The following RECQL variants were observed in gnomAD, a reference collection of about 807,000 sequenced individuals.
RECQL encodes the protein RecQ like helicase.
A neutral mutation model predicts 75.8 loss-of-function variants in RECQL; 73 were observed. That is an observed-to-expected ratio of 0.96 (90% confidence interval 0.80 to 1.17). RECQL has a LOEUF of 1.17. Ranked by LOEUF, RECQL falls within the 50% of genes most tolerant of loss-of-function variation. The probability of loss-of-function intolerance (pLI) is 0.00; values close to 1 mark genes in which losing one functional copy is unlikely to be tolerated. For missense variants in RECQL, 699 were observed against 772.1 expected (o/e 0.91, Z 1.12); for synonymous variants, 248 against 254.4 (o/e 0.97, Z 0.24).
intron 2 of RECQL, among the ~76,000 whole-genome samples, chr12:21,495,363 G>A (rs913942924): frequency 2.0e-5 from 3 of 152,190 alleles, no homozygotes; most frequent in Admixed American, 6.5e-5. Context: ...TTGGGAGGCC[G>A]AGGCGGGTGG....
At chr12:21,475,424 A>T in intron 10 of RECQL, 44 bp downstream of exon 10, 1 of 1,218,674 alleles carries the variant, frequency 8.2e-7, no homozygotes, top group Admixed American at 2.0e-5. Flanking sequence ...TATTTTTTGG[A>T]AAAGCTTTCT....
intron 2 of RECQL, among the ~76,000 whole-genome samples, chr12:21,496,186 A>G (rs1343402873): frequency 6.6e-6 from 1 of 152,266 alleles, no homozygotes; most frequent in Non-Finnish European, 1.5e-5. Context: ...TATGTGGTGT[A>G]TGCAGAAGAC....
chr12:21,478,760 A>C (rs1943135110), intron 6 of RECQL, among the ~76,000 whole-genome samples: 2 of 152,176 alleles, frequency 1.3e-5, no homozygotes, highest in African/African-American at 4.8e-5. Flanking sequence ...GACCCAAAAG[A>C]GGGACTTGTG....
At chr12:21,470,460 G>C in intron 14 of RECQL, 114 bp from the exon 15 acceptor site, 1 of 1,092,154 alleles carries the variant, frequency 9.2e-7, no homozygotes, top group Non-Finnish European at 1.3e-6. Flanking sequence ...GGCTTTTTAA[G>C]TATACAGGGG....
At chr12:21,487,344 C>A (rs1448642495) in intron 4 of RECQL, among the ~76,000 whole-genome samples, 1 of 152,076 alleles carries the variant, frequency 6.6e-6, no homozygotes, top group Non-Finnish European at 1.5e-5. Flanking sequence ...GTTGCATAAG[C>A]ATTCTTTTAC....
chr12:21,472,536 A>G (rs573552820), intron 12 of RECQL, among the ~76,000 whole-genome samples: 7 of 151,874 alleles, frequency 4.6e-5, no homozygotes, highest in Non-Finnish European at 8.8e-5. Context: ...TCTTCTAGAA[A>G]AGGTTAGGGA....
Position 21,475,504 on chromosome 12 carries a change from A to ATTT in RECQL, c.1177_1179dup (p.Lys393dup). ...CTCTCTTGGTAATAATTTTCCATGG[A>ATTT]TTTACTCATTGAATGATGGATAACA... On this transcript the variant is annotated inframe_insertion, in exon 10 of 15. Coordinates refer to ENST00000444129, the MANE Select transcript of RECQL (RefSeq NM_002907.4). 1 of 1,612,584 alleles carries ATTT rather than the reference A, an allele frequency of 6.2e-7. No individual in the cohort carries two copies. Among genetic ancestry groups the ATTT allele is most frequent in the Non-Finnish European group, 8.5e-7 (1 of 1,178,990 alleles).
At chr12:21,474,756 G>GT in intron 11 of RECQL, 85 bp downstream of exon 11, 1 of 1,312,452 alleles carries the variant, frequency 7.6e-7, no homozygotes, top group South Asian at 1.3e-5. Flanking sequence ...TTCCACCAAT[G>GT]TATTTAGTAA....
intron 5 of RECQL, 33 bp downstream of exon 5, chr12:21,486,446 T>C (rs780027664): frequency 6.5e-7 from 1 of 1,543,398 alleles, no homozygotes; most frequent in Non-Finnish European, 8.7e-7. Context: ...GTGAATAGTT[T>C]ACATTAAAAA....
At chr12:21,492,673 T>C (rs959300861) in intron 2 of RECQL, among the ~76,000 whole-genome samples, 5 of 152,248 alleles carry the variant, frequency 3.3e-5, no homozygotes, top group African/African-American at 7.2e-5. Flanking sequence ...GGTTGGCCTA[T>C]GGCCAGGTGC....
rs775112039 is a variant in RECQL at position 21,491,501 on chromosome 12, A to C, written c.214+18T>G. The C allele has an allele frequency of 1.9e-6, 3 of 1,562,398 alleles. No homozygotes were observed. Among genetic ancestry groups the C allele is most frequent in the Non-Finnish European group, 2.6e-6 (3 of 1,164,572 alleles). ...GAGAAGAAATAAAACTAGCAAAAAA[A>C]AAAAAAAAAAAGTTAACCTTCTTTA... is the stretch of plus-strand genomic sequence containing the variant. On this transcript the variant is annotated intron_variant, in intron 3 of 14. Coordinates refer to ENST00000444129, the MANE Select transcript of RECQL (RefSeq NM_002907.4).
intron 11 of RECQL, among the ~76,000 whole-genome samples, chr12:21,474,010 T>C (rs10160932): frequency 0.55 from 83,874 of 151,968 alleles, 23,569 homozygotes; most frequent in African/African-American, 0.65. Context: ...TGGGGGGCCA[T>C]TGTGCCCCCG....
At chr12:21,497,255 T>C (rs1006205627) in intron 2 of RECQL, among the ~76,000 whole-genome samples, 2 of 152,072 alleles carry the variant, frequency 1.3e-5, no homozygotes, top group Non-Finnish European at 2.9e-5. Context: ...TGCACCATGC[T>C]CCCCTTTGCC....
intron 12 of RECQL, among the ~76,000 whole-genome samples, chr12:21,472,913 C>T (rs1943008568): frequency 6.6e-6 from 1 of 152,190 alleles, no homozygotes; most frequent in East Asian, 1.9e-4. Flanking sequence ...TATAGAATAG[C>T]ATTTCTATTC....
chr12:21,488,016 T>C (rs1042512357), intron 4 of RECQL, among the ~76,000 whole-genome samples: 5 of 152,186 alleles, frequency 3.3e-5, no homozygotes, highest in African/African-American at 1.2e-4. Flanking sequence ...TATGGCCCAC[T>C]CTCTTCTTCC....
chr12:21,474,727 A>G, intron 11 of RECQL, 114 bp downstream of exon 11: 1 of 975,518 alleles, frequency 1.0e-6, no homozygotes, highest in South Asian at 1.6e-5. Context: ...ATCTGCTTTT[A>G]TGGATCTGCA....
Position 21,475,566 on chromosome 12 carries a change from G to A in RECQL, c.1118C>T (p.Ala373Val). 1.9e-6 allele frequency: 3 copies of A among 1,612,264 alleles called. No homozygotes were observed. Among genetic ancestry groups the A allele is most frequent in the Non-Finnish European group, 1.7e-6 (2 of 1,178,978 alleles). The change falls in exon 10 of 15, where the codon GCA (alanine) becomes GTA (valine). Residue 373 changes from alanine (A) to valine (V), a missense_variant. Around this residue, in one of 2 missense-constraint regions of RECQL, gnomAD observed 669 missense variants for 713.5 expected, o/e 0.94. Coordinates refer to ENST00000444129, the MANE Select transcript of RECQL (RefSeq NM_002907.4). ...TGGCTTATCAATTCCCATACCAAAT[G>A]CAACAGTTGCCACTACTACCTGAAA... is the stretch of plus-strand genomic sequence containing the variant. ...NEIQVVVATV[A>V]FGMGIDKPDV...
chr12:21,487,998 A>T (rs1943337825), intron 4 of RECQL, among the ~76,000 whole-genome samples: 1 of 152,174 alleles, frequency 6.6e-6, no homozygotes, highest in Admixed American at 6.5e-5. Flanking sequence ...CTAAGATAAC[A>T]TCTCATTTAT....
rs74067191 is a variant in RECQL, at chr12:21,469,993, T to C, written c.*201A>G. On this transcript the variant is annotated 3_prime_UTR_variant, in exon 15 of 15. Transcript: ENST00000444129. ...ACATAAAAATTTTTCCCTTGTTTTA[T>C]ACTGGAAAATTATATAATTCATGAT... 7.0e-3 allele frequency: 4,648 copies of C among 660,224 alleles called. 129 individuals carry two copies. The highest frequency in any genetic ancestry group is 0.067 in the African/African-American group (3,530 of 52,606). 40.9% of individuals were successfully genotyped at this position (660,224 alleles called of 1,614,324 possible). A position where few individuals can be genotyped will look rare whatever the true frequency, so the allele number is the denominator to read the frequency against.
Sources: allele counts gnomAD v4.1 joint callset (sites outside exome capture counted in the v4.1 genomes callset), GRCh38; gene constraint gnomAD v4.1.1; regional missense constraint gnomAD v4.1.1; transcripts MANE v1.5; gene names NCBI Gene and HGNC (gene_info 2026-07-23, HGNC 2026-07-21).